TTF1: variants seen among roughly 807,000 people sequenced by gnomAD.
The protein encoded by TTF1 is transcription termination factor, RNA polymerase I.
Under a neutral mutation model 80.2 loss-of-function variants are expected in TTF1, and 64 were observed. That is an observed-to-expected ratio of 0.80 (90% confidence interval 0.65 to 0.98). The LOEUF (loss-of-function observed/expected upper bound fraction) is 0.98, where lower values mean the gene tolerates loss of function less well. TTF1 is among the 50% of genes least tolerant of loss of function. TTF1 has a pLI of 0.00. For synonymous variants in TTF1, 372 were observed against 382.7 expected (o/e 0.97, Z 0.33); for missense variants, 1,023 against 1,086.2 (o/e 0.94, Z 0.82).
chr9:132,379,020 T>TGTTCTTA, intron 10 of TTF1, 39 bp downstream of exon 10: 1 of 1,485,058 alleles, frequency 6.7e-7, no homozygotes, highest in African/African-American at 1.4e-5. Context: ...TGGCACCAAA[T>TGTTCTTA]GCCATGTTCT....
In TTF1 at chr9:132,379,091, T is replaced by C. The variant is rs1564182638; in HGVS notation, c.2432A>G (p.Tyr811Cys). 3 of 1,610,442 alleles carry C rather than the reference T, an allele frequency of 1.9e-6. No individual in the cohort carries two copies. The highest frequency in any genetic ancestry group is 1.1e-5 in the South Asian group (1 of 89,956). The change falls in exon 10 of 11, where the codon TAT (tyrosine) becomes TGT (cysteine). Residue 811 changes from tyrosine (Y) to cysteine (C), a missense_variant. Physicochemically the swap from Tyr to Cys is radical, Grantham distance 194. Coordinates refer to ENST00000334270, the MANE Select transcript of TTF1 (RefSeq NM_007344.4). ...AGTCTTTTTCTGCCAAAATGGAACA[T>C]AGACAGCTTTCAGCCTAGAAAATTT... ...QTKFSRLKAV[Y>C]VPFWQKKTFP...
At position 132,392,113 on chromosome 9, in the gene TTF1, G is replaced by A. The variant is rs936594958; in HGVS notation, c.1950C>T (p.Ser650=). The part of the protein sequence containing the change: ...KTIGEMVARS[S]LSVALKFSQI... ...GTGAGAACTTGAGGGCCACGGAGAG[G>A]CTACTTCGGGCCACCATCTCACCAA... The change falls in exon 6 of 11, where the codon AGC becomes AGT. Residue 650 remains serine, a synonymous_variant. Transcript: ENST00000334270. 1.2e-6 allele frequency: 2 copies of A among 1,613,992 alleles called. No individual in the cohort carries two copies. The highest frequency in any genetic ancestry group is 3.3e-5 in the Admixed American group (2 of 59,998).
In TTF1 at chr9:132,402,416, A is replaced by G; in HGVS notation, c.406T>C (p.Leu136=). The G allele has an allele frequency of 6.2e-7, 1 of 1,614,120 alleles. No individual in the cohort carries two copies. The highest frequency in any genetic ancestry group is 8.5e-7 in the Non-Finnish European group (1 of 1,180,026). The change falls in exon 2 of 11, where the codon TTA becomes CTA. Residue 136 remains leucine (L), a synonymous_variant. Transcript: ENST00000334270. Reference sequence around the variant, plus strand: ...TTGTCTGTTTTAGGCTTTCTTGGTAACTTCTGTTCTATGCTCATATCAACA... The same window carrying G: ...TTGTCTGTTTTAGGCTTTCTTGGTAGCTTCTGTTCTATGCTCATATCAACA... The part of the protein sequence containing the change: ...VCVDMSIEQK[L]PRKPKTDKFQ...
chr9:132,402,894 C>T lies in TTF1; in HGVS notation c.-7-66G>A, dbSNP rs907670312. On this transcript the variant is annotated intron_variant, in intron 1 of 10. Coordinates refer to ENST00000334270, the MANE Select transcript of TTF1 (RefSeq NM_007344.4). ...TTTTTGAGACGGAGTCTCACTCTGT[C>T]GCCCAGGCTGGAGTGCAGTGGCGCG... The T allele has an allele frequency of 1.8e-5, 26 of 1,467,086 alleles. No homozygotes were observed. The Admixed American group carries it at 2.5e-4, about 14-fold the overall frequency. The allele number at this position is 1,467,086 out of a possible 1,614,324, so 90.9% of individuals were successfully genotyped here.
At chr9:132,379,242 G>T in intron 9 of TTF1, 98 bp from the exon 10 acceptor site, 2 of 831,278 alleles carry the variant, frequency 2.4e-6, no homozygotes, top group East Asian at 5.6e-5. Flanking sequence ...GAGGTTTATA[G>T]TTTTTTTTAT....
At chr9:132,390,912 G>C in intron 6 of TTF1, 81 bp from the exon 7 acceptor site, 1 of 1,345,232 alleles carries the variant, frequency 7.4e-7, no homozygotes, top group Non-Finnish European at 1.0e-6. Flanking sequence ...TGATAAATCG[G>C]GTACTTTTCA....
Position 132,379,254 on chromosome 9 carries a change from G to A in TTF1, c.2379-110C>T, listed in dbSNP as rs557571516. The A allele has an allele frequency of 1.1e-4, 75 of 681,644 alleles. No homozygotes were observed. In the South Asian group the frequency reaches 1.4e-3, roughly 13 times the overall value. 42.2% of individuals were successfully genotyped at this position (681,644 alleles called of 1,614,324 possible). On this transcript the variant is annotated intron_variant, in intron 9 of 10. Transcript: ENST00000334270. ...GGTGAGGTTTATAGTTTTTTTTATCGTAAACATAAGATCATCATACATGTG... is the reference window on the plus strand; with the variant it reads ...GGTGAGGTTTATAGTTTTTTTTATCATAAACATAAGATCATCATACATGTG...
intron 1 of TTF1, among the ~76,000 whole-genome samples, chr9:132,405,840 G>A (rs1256186650): frequency 6.6e-6 from 1 of 152,098 alleles, no homozygotes; most frequent in Non-Finnish European, 1.5e-5. Flanking sequence ...TTCGTCTCAG[G>A]AACTTTGCAA....
At position 132,406,140 on chromosome 9, in the gene TTF1, T is replaced by G. The variant is rs566614292; in HGVS notation, c.-8+650A>C. Among the ~76,000 whole-genome samples, 55 of 152,196 alleles carry G rather than the reference T, an allele frequency of 3.6e-4. No individual in the cohort carries two copies. In the Middle Eastern group the frequency reaches 0.01, roughly 28 times the overall value. ...CGGATATGCATTTATCCCCCCTTAC[T>G]CAGAACATACACTTCCCGCTCTGCA... On this transcript the variant is annotated intron_variant, in intron 1 of 10. Transcript: ENST00000334270.
intron 4 of TTF1, among the ~76,000 whole-genome samples, chr9:132,397,782 C>T (rs1049009351): frequency 6.6e-6 from 1 of 151,978 alleles, no homozygotes; most frequent in Admixed American, 6.6e-5. Flanking sequence ...GTCAGGAGTT[C>T]GAGACCATCC....
At chr9:132,391,378 T>C (rs1328625315) in intron 6 of TTF1, among the ~76,000 whole-genome samples, 1 of 143,900 alleles carries the variant, frequency 6.9e-6, no homozygotes, top group Non-Finnish European at 1.5e-5. Context: ...AGCGTCACAC[T>C]GGCAGCTGTT....
At position 132,395,927 on chromosome 9, in the gene TTF1, C is replaced by G. The variant is rs138727245; in HGVS notation, c.1856+506G>C. ...AATGTGTTGGAAACAAATTATAATC[C>G]GATATTGTATTTGGGGAAAAGGAAG... On this transcript the variant is annotated intron_variant, in intron 5 of 10. Coordinates refer to ENST00000334270, the MANE Select transcript of TTF1 (RefSeq NM_007344.4). Among the ~76,000 whole-genome samples the G allele has an allele frequency of 3.1e-3, 474 of 152,228 alleles. 2 individuals are homozygous for G. The highest frequency in any genetic ancestry group is 0.011 in the African/African-American group (460 of 41,530).
intron 1 of TTF1, among the ~76,000 whole-genome samples, chr9:132,404,183 T>C (rs1849819277): frequency 6.6e-6 from 1 of 152,238 alleles, no homozygotes; most frequent in African/African-American, 2.4e-5. Context: ...TTAACATCTA[T>C]ATATTGTGAT....
intron 2 of TTF1, 133 bp downstream of exon 2, chr9:132,401,322 A>C: frequency 1.2e-6 from 1 of 843,152 alleles, no homozygotes; most frequent in South Asian, 6.0e-5. Flanking sequence ...GCAAATCTCC[A>C]CCTCAAAAAT....
Position 132,376,033 on chromosome 9 carries a change from T to C in TTF1, c.2600A>G (p.Tyr867Cys), listed in dbSNP as rs1373961127. ...CTCTCCTTCACTATCGTCTTCATAATAAAAGATGTCTCGAAATGGGAAAAC... is the reference window on the plus strand; with the variant it reads ...CTCTCCTTCACTATCGTCTTCATAACAAAAGATGTCTCGAAATGGGAAAAC... ...KQVFPFRDIF[Y>C]YEDDSEGEDI... Residue 867 changes from tyrosine to cysteine, a missense_variant, in exon 11 of 11, where the codon TAT becomes TGT. Coordinates refer to ENST00000334270, the MANE Select transcript of TTF1 (RefSeq NM_007344.4). The C allele has an allele frequency of 1.9e-6, 3 of 1,614,232 alleles. No individual in the cohort carries two copies. Among genetic ancestry groups the C allele is most frequent in the Middle Eastern group, 1.6e-4 (1 of 6,062 alleles).
At position 132,377,813 on chromosome 9, in the gene TTF1, GTGCATGTGGTGTGTGTGAA is replaced by G. The variant is rs1329273767; in HGVS notation, c.2464+1227_2464+1245del. ...TGTGGTGTGTGTGCATGTGGTGTGAGTGCATGTGGTGTGTGTGAATGCATGTGGTGTGTGTGAATGCATG... is the reference window on the plus strand; with the variant it reads ...TGTGGTGTGTGTGCATGTGGTGTGAGTGCATGTGGTGTGTGTGAATGCATG... On this transcript the variant is annotated intron_variant, in intron 10 of 10. Coordinates refer to ENST00000334270, the MANE Select transcript of TTF1 (RefSeq NM_007344.4). Among the ~76,000 whole-genome samples, 594 of 138,956 alleles carry G rather than the reference GTGCATGTGGTGTGTGTGAA, an allele frequency of 4.3e-3. 2 individuals are homozygous for G. Among genetic ancestry groups the G allele is most frequent in the African/African-American group, 6.3e-3 (229 of 36,108 alleles). 91.2% of individuals were successfully genotyped at this position (138,956 alleles called of 152,430 possible). A position where few individuals can be genotyped will look rare whatever the true frequency, so the allele number is the denominator to read the frequency against.
Position 132,402,172 on chromosome 9 carries a change from T to C in TTF1, c.650A>G (p.Asn217Ser), listed in dbSNP as rs1849778339. ...ITELPASAHK[N>S]KSKKKKKKSS... ...CTTTTTCTTTTTTTTCTTAGACTTG[T>C]TTTTATGAGCAGATGCTGGTAGTTC... The change falls in exon 2 of 11, where the codon AAC (asparagine) becomes AGC (serine). Residue 217 changes from asparagine to serine, a missense_variant. Asn to Ser is a conservative substitution (Grantham distance 46, BLOSUM62 1). Coordinates refer to ENST00000334270, the MANE Select transcript of TTF1 (RefSeq NM_007344.4). 1 of 1,614,002 alleles carries C rather than the reference T, an allele frequency of 6.2e-7. No homozygotes were observed. The highest frequency in any genetic ancestry group is 8.5e-7 in the Non-Finnish European group (1 of 1,180,026).
Position 132,379,355 on chromosome 9 carries a change from A to G in TTF1, c.2379-211T>C, listed in dbSNP as rs180869720. ...TTGGTTTAAAAAAATGTAAAGGGGA[A>G]AAAGAATCAGTAGTACAGAATGGAT... On this transcript the variant is annotated intron_variant, in intron 9 of 10. Coordinates refer to ENST00000334270, the MANE Select transcript of TTF1 (RefSeq NM_007344.4). The G allele has an allele frequency of 3.2e-5, 15 of 470,430 alleles. No individual in the cohort carries two copies. In the Admixed American group the frequency reaches 4.8e-4, roughly 15 times the overall value. The allele number at this position is 470,430 out of a possible 1,614,324, so 29.1% of individuals were successfully genotyped here. A position where few individuals can be genotyped will look rare whatever the true frequency, so the allele number is the denominator to read the frequency against.
At chr9:132,393,818 A>G (rs1849601222) in intron 5 of TTF1, among the ~76,000 whole-genome samples, 1 of 152,246 alleles carries the variant, frequency 6.6e-6, no homozygotes, top group Admixed American at 6.5e-5. Flanking sequence ...AAACACCTAA[A>G]TATTTAAATA....
Sources: gnomAD v4.1 joint callset for allele counts (sites outside exome capture counted in the v4.1 genomes callset) on GRCh38, gnomAD v4.1.1 for gene constraint, MANE v1.5 for transcripts, NCBI Gene and HGNC (gene_info 2026-07-23, HGNC 2026-07-21) for gene names.